ZNF827: variants seen among roughly 807,000 people sequenced by gnomAD.
ZNF827 encodes the protein zinc finger protein 827.
ZNF827 carries 13 observed loss-of-function variants against 102.4 expected under a neutral mutation model. The ratio of observed to expected loss-of-function variants is 0.13; its 90% CI spans 0.08 to 0.20. ZNF827 has a LOEUF of 0.20. ZNF827 is among the 10% of genes least tolerant of loss of function. The pLI, the probability that ZNF827 is intolerant of heterozygous loss-of-function variation, is 1.00. For synonymous variants in ZNF827, 523 were observed against 536.2 expected, an observed-to-expected ratio of 0.98 and a Z score of 0.34; for missense variants, 1,103 against 1,344.4, an observed-to-expected ratio of 0.82 and a Z score of 2.81.
intron 4 of ZNF827, among the ~76,000 whole-genome samples, chr4:145,872,256 G>T (rs1234301247): frequency 6.6e-6 from 1 of 152,200 alleles, no homozygotes; most frequent in Admixed American, 6.5e-5. Context: ...AAGGTTAAAT[G>T]AGGTCATAAG....
At chr4:145,920,253 G>A (rs1202372447) in intron 1 of ZNF827, among the ~76,000 whole-genome samples, 3 of 152,204 alleles carry the variant, frequency 2.0e-5, no homozygotes. Context: ...AAGAAGACAG[G>A]AAACTTCTGG....
At chr4:145,854,205 G>A (rs72723895) in intron 5 of ZNF827, among the ~76,000 whole-genome samples, 5,510 of 152,062 alleles carry the variant, frequency 0.036, 148 homozygotes, top group Non-Finnish European at 0.052. Flanking sequence ...GAGAAATTCA[G>A]GAGAAGAAGT....
In ZNF827 at chr4:145,823,441, G is replaced by A. The variant is rs761553606; in HGVS notation, c.2364C>T (p.His788=). ...CCATACCTGGAGCTGATATTCTTCCGTGCAGCACGGAGTCACTGGGCAGCA... is the reference window on the plus strand; with the variant it reads ...CCATACCTGGAGCTGATATTCTTCCATGCAGCACGGAGTCACTGGGCAGCA... ...KELLPSDSVL[H]GRISAPETEK... is the part of the protein sequence containing the mutation. Residue 788 remains histidine, a synonymous_variant, in exon 8 of 15, where the codon CAC becomes CAT. Coordinates refer to ENST00000508784, the MANE Select transcript of ZNF827 (RefSeq NM_001306215.2). The A allele has an allele frequency of 2.5e-5, 40 of 1,613,528 alleles. No individual in the cohort carries two copies. The highest frequency in any genetic ancestry group is 1.2e-4 in the South Asian group (11 of 91,058).
chr4:145,825,249 G>A (rs920939365), intron 7 of ZNF827, among the ~76,000 whole-genome samples: 7 of 152,210 alleles, frequency 4.6e-5, no homozygotes, highest in African/African-American at 7.2e-5. Flanking sequence ...TGGGGAAGGC[G>A]GCCCCAGCAC....
Position 145,847,482 on chromosome 4 carries a change from G to A in ZNF827, c.2222-1469C>T, listed in dbSNP as rs189858768. On this transcript the variant is annotated intron_variant, in intron 6 of 14. Coordinates refer to ENST00000508784, the MANE Select transcript of ZNF827 (RefSeq NM_001306215.2). Reference sequence around the variant, plus strand: ...TATAAAAACAGCCTAAGACCTCTTCGTGCTGCAGTCATTCAGTGCTTATTC... The same window carrying A: ...TATAAAAACAGCCTAAGACCTCTTCATGCTGCAGTCATTCAGTGCTTATTC... Among the ~76,000 whole-genome samples the A allele has an allele frequency of 3.2e-4, 49 of 152,314 alleles. No individual in the cohort carries two copies. The East Asian group carries it at 7.5e-3, about 23-fold the overall frequency.
At chr4:145,845,452 C>A (rs2126636248) in intron 7 of ZNF827, among the ~76,000 whole-genome samples, 1 of 152,202 alleles carries the variant, frequency 6.6e-6, no homozygotes, top group Non-Finnish European at 1.5e-5. Flanking sequence ...TTTTTTCTGC[C>A]TTTAAAATCT....
intron 11 of ZNF827, among the ~76,000 whole-genome samples, chr4:145,768,191 G>T (rs1014641420): frequency 3.9e-5 from 6 of 152,054 alleles, no homozygotes; most frequent in Non-Finnish European, 5.9e-5. Flanking sequence ...TGGAGACAGG[G>T]TCTCACTCTG....
intron 8 of ZNF827, among the ~76,000 whole-genome samples, chr4:145,797,666 G>A (rs983222099): frequency 6.6e-6 from 1 of 152,070 alleles, no homozygotes; most frequent in Non-Finnish European, 1.5e-5. Flanking sequence ...TAGAATCCTT[G>A]TTTTTCTTGT....
intron 5 of ZNF827, among the ~76,000 whole-genome samples, chr4:145,852,350 T>C (rs991152736): frequency 1.3e-5 from 2 of 152,238 alleles, no homozygotes; most frequent in Admixed American, 6.5e-5. Context: ...ACATCAAGTA[T>C]GATTTACATG....
chr4:145,830,472 T>C (rs1306043691), intron 7 of ZNF827: 1 of 152,136 alleles, frequency 6.6e-6, no homozygotes, highest in Non-Finnish European at 1.5e-5. Context: ...ACAAAAACAC[T>C]TTATTTTTAC....
chr4:145,783,858 C>T (rs1738466677), intron 8 of ZNF827, among the ~76,000 whole-genome samples: 1 of 152,110 alleles, frequency 6.6e-6, no homozygotes, highest in African/African-American at 2.4e-5. Context: ...TGTGTCCCTG[C>T]TTAAATCTCA....
intron 5 of ZNF827, among the ~76,000 whole-genome samples, chr4:145,851,035 G>T (rs954286392): frequency 3.0e-4 from 45 of 152,122 alleles, no homozygotes; most frequent in Admixed American, 2.9e-3. Context: ...AGTGGAAAAG[G>T]CCATGTGAAA....
intron 8 of ZNF827, among the ~76,000 whole-genome samples, chr4:145,802,897 G>A (rs559820187): frequency 2.6e-5 from 4 of 152,236 alleles, no homozygotes; most frequent in Admixed American, 2.0e-4. Flanking sequence ...TCGAGATCAC[G>A]CCACTGCCCT....
chr4:145,880,674 A>G (rs1749585557), intron 4 of ZNF827, among the ~76,000 whole-genome samples: 2 of 152,264 alleles, frequency 1.3e-5, no homozygotes, highest in Admixed American at 1.3e-4. Context: ...TACACATATA[A>G]GGCCCCTAAA....
chr4:145,818,444 C>G (rs1417899885), intron 8 of ZNF827, among the ~76,000 whole-genome samples: 3 of 152,170 alleles, frequency 2.0e-5, no homozygotes, highest in Non-Finnish European at 4.4e-5. Context: ...ATGTCCTGTG[C>G]CTGACAATTT....
At chr4:145,889,218 T>C (rs2126836080) in intron 3 of ZNF827, among the ~76,000 whole-genome samples, 1 of 152,344 alleles carries the variant, frequency 6.6e-6, no homozygotes, top group South Asian at 2.1e-4. Flanking sequence ...TAATTTTTTA[T>C]ACCATTTCAT....
intron 5 of ZNF827, among the ~76,000 whole-genome samples, chr4:145,851,369 G>C (rs1033087030): frequency 6.6e-6 from 1 of 152,284 alleles, no homozygotes; most frequent in East Asian, 1.9e-4. Flanking sequence ...TAAAGGAAGT[G>C]CTGATCTGTG....
chr4:145,877,333 C>G (rs138289764), intron 4 of ZNF827, among the ~76,000 whole-genome samples: 41 of 152,254 alleles, frequency 2.7e-4, no homozygotes, highest in Non-Finnish European at 4.6e-4. Flanking sequence ...TGGGATTTTT[C>G]AGCACTATGA....
At chr4:145,937,230 G>A (rs1390980212) in intron 1 of ZNF827, among the ~76,000 whole-genome samples, 2 of 152,036 alleles carry the variant, frequency 1.3e-5, no homozygotes, top group African/African-American at 2.4e-5. Context: ...CCGGGGGCGC[G>A]GGTGGAGGAG....
Sources: allele counts gnomAD v4.1 joint callset (sites outside exome capture counted in the v4.1 genomes callset), GRCh38; gene constraint gnomAD v4.1.1; transcripts MANE v1.5; gene names NCBI Gene and HGNC (gene_info 2026-07-23, HGNC 2026-07-21).